RMDN2: variants seen among roughly 807,000 people sequenced by gnomAD.
The protein encoded by RMDN2 is regulator of microtubule dynamics 2.
A neutral mutation model predicts 52.8 loss-of-function variants in RMDN2; 61 were observed. That is an observed-to-expected ratio of 1.16 (90% CI 0.94 to 1.43). The LOEUF is 1.43. RMDN2 is among the 40% of genes most tolerant of loss of function. The pLI is 0.00. For missense variants in RMDN2, 592 were observed against 475.3 expected (o/e 1.25, Z -2.28); for synonymous variants, 180 against 153.1 (o/e 1.18, Z -1.30).
At chr2:37,950,371 A>G in intron 2 of RMDN2, 2 of 1,405,826 alleles carry the variant, frequency 1.4e-6, no homozygotes. Context: ...CTTCGGAGAA[A>G]GGTGAGCTAC....
Position 37,953,470 on chromosome 2 carries a change from A to G in RMDN2, c.453-20570A>G, listed in dbSNP as rs148329722. Among the ~76,000 whole-genome samples the G allele has an allele frequency of 2.4e-3, 365 of 152,182 alleles. 3 individuals are homozygous for G. The highest frequency in any genetic ancestry group is 0.012 in the South Asian group (60 of 4,832). ...TTGTGACCAGCTTATTTCACTTAGCATAGTGTATAATGTCCTCAAGCTTCA... is the reference window on the plus strand; with the variant it reads ...TTGTGACCAGCTTATTTCACTTAGCGTAGTGTATAATGTCCTCAAGCTTCA... On this transcript the variant is annotated intron_variant, in intron 2 of 10. Transcript: ENST00000354545.
intron 10 of RMDN2, chr2:38,012,680 C>T (rs1033545553): frequency 3.4e-5 from 15 of 439,020 alleles, no homozygotes; most frequent in African/African-American, 2.1e-4. Context: ...TTTCTTTTTC[C>T]ATGAGAAAAT....
At chr2:37,937,384 T>C (rs1667396791) in intron 2 of RMDN2, among the ~76,000 whole-genome samples, 1 of 152,230 alleles carries the variant, frequency 6.6e-6, no homozygotes, top group African/African-American at 2.4e-5. Flanking sequence ...TACAGGTTCC[T>C]TTTTGGTTCC....
intron 2 of RMDN2, among the ~76,000 whole-genome samples, chr2:37,948,525 T>C (rs1447561781): frequency 6.6e-6 from 1 of 152,136 alleles, no homozygotes; most frequent in African/African-American, 2.4e-5. Context: ...TGGGAATGAA[T>C]TGAAGGACGA....
chr2:37,997,287 A>T, intron 7 of RMDN2, 129 bp from the exon 8 acceptor site: 1 of 659,520 alleles, frequency 1.5e-6, no homozygotes, highest in Non-Finnish European at 2.7e-6. Context: ...ATATGTTTTC[A>T]TTTGTATATG....
At chr2:37,988,154 C>T (rs778583644) in intron 5 of RMDN2, among the ~76,000 whole-genome samples, 9 of 152,126 alleles carry the variant, frequency 5.9e-5, no homozygotes, top group Non-Finnish European at 1.2e-4. Flanking sequence ...TGCTGAGAAC[C>T]TAAAAGTGCT....
chr2:37,942,530 A>G (rs1185686695), intron 2 of RMDN2, among the ~76,000 whole-genome samples: 2 of 152,320 alleles, frequency 1.3e-5, no homozygotes, highest in East Asian at 3.9e-4. Flanking sequence ...GTACCAAGTT[A>G]CCATCCTATG....
chr2:38,004,918 A>C (rs1323043452), intron 10 of RMDN2, among the ~76,000 whole-genome samples: 1 of 150,706 alleles, frequency 6.6e-6, no homozygotes, highest in Admixed American at 6.6e-5. Context: ...CTGATTGTTC[A>C]GTTCCCACCT....
At chr2:38,035,771 G>A (rs1425642950) in intron 10 of RMDN2, 1 of 152,112 alleles carries the variant, frequency 6.6e-6, no homozygotes, top group African/African-American at 2.4e-5. Flanking sequence ...CAAGATGCAG[G>A]AGCATCTTCA....
In RMDN2 at chr2:38,045,050, T is replaced by C. The variant is rs751778274; in HGVS notation, c.1714-21932T>C. Among the ~76,000 whole-genome samples the C allele has an allele frequency of 3.3e-4, 50 of 152,264 alleles. 1 individual carries two copies. Among genetic ancestry groups the C allele is most frequent in the Non-Finnish European group, 6.6e-4 (45 of 67,998 alleles). On this transcript the variant is annotated intron_variant, in intron 10 of 10. Coordinates refer to the RMDN2 transcript ENST00000234195. ...GTATCAAATAGTAATAACATGATTATTTTTGTCCTTTTTGTCAAGAGTAGG... is the reference window on the plus strand; with the variant it reads ...GTATCAAATAGTAATAACATGATTACTTTTGTCCTTTTTGTCAAGAGTAGG...
At chr2:37,972,915 G>T (rs1424650490) in intron 2 of RMDN2, among the ~76,000 whole-genome samples, 1 of 152,208 alleles carries the variant, frequency 6.6e-6, no homozygotes, top group African/African-American at 2.4e-5. Context: ...TGGGAGATCA[G>T]TTCATACAGT....
chr2:37,929,561 T>G lies in RMDN2; in HGVS notation c.284T>G (p.Phe95Cys). The G allele has an allele frequency of 6.4e-7, 1 of 1,551,878 alleles. No individual in the cohort carries two copies. The highest frequency in any genetic ancestry group is 8.7e-7 in the Non-Finnish European group (1 of 1,147,024). The change falls in exon 2 of 11, where the codon TTT becomes TGT. Residue 95 changes from phenylalanine (F) to cysteine (C), a missense_variant. Transcript: ENST00000354545. ...NMEELKEEIR[F>C]LKEAIPKLEE... ...GAAGAACTCAAAGAGGAAATCAGATTTCTTAAAGAAGCTATTCCAAAGCTG... is the reference window on the plus strand; with the variant it reads ...GAAGAACTCAAAGAGGAAATCAGATGTCTTAAAGAAGCTATTCCAAAGCTG...
intron 5 of RMDN2, among the ~76,000 whole-genome samples, chr2:37,981,945 T>G (rs1673375086): frequency 6.6e-6 from 1 of 152,108 alleles, no homozygotes; most frequent in Non-Finnish European, 1.5e-5. Context: ...TAAATTATTA[T>G]TCTTCCTTTT....
At chr2:37,925,844 T>G (rs1387342483) in intron 1 of RMDN2, among the ~76,000 whole-genome samples, 3 of 151,680 alleles carry the variant, frequency 2.0e-5, no homozygotes, top group East Asian at 3.9e-4. Flanking sequence ...TTGTGTGGGG[T>G]TTTTTTTGCT....
At chr2:38,046,601 A>G (rs912336402) in intron 10 of RMDN2, among the ~76,000 whole-genome samples, 2 of 152,198 alleles carry the variant, frequency 1.3e-5, no homozygotes, top group East Asian at 1.9e-4. Context: ...AAAACTGACA[A>G]CAAAGGAAAA....
intron 2 of RMDN2, among the ~76,000 whole-genome samples, chr2:37,944,837 C>T (rs998008515): frequency 2.0e-5 from 3 of 152,128 alleles, no homozygotes; most frequent in Admixed American, 2.0e-4. Context: ...TTTTTGTTTT[C>T]ACCTGAGAGA....
rs188028324 is a variant in RMDN2 at position 38,005,740 on chromosome 2, C to T, written c.1179+1524C>T. ...CATTTGTGAATTTTGGCTTTTGTTGCCATTGCTTTTGGTGTTTTACACATG... is the reference window on the plus strand; with the variant it reads ...CATTTGTGAATTTTGGCTTTTGTTGTCATTGCTTTTGGTGTTTTACACATG... On this transcript the variant is annotated intron_variant, in intron 10 of 10. Coordinates refer to ENST00000354545, the MANE Select transcript of RMDN2 (RefSeq NM_001170791.3). 5.4e-3 allele frequency among the ~76,000 whole-genome samples: 826 copies of T among 152,248 alleles called. 2 individuals carry two copies. The highest frequency in any genetic ancestry group is 0.019 in the African/African-American group (775 of 41,528).
chr2:37,950,427 C>T, intron 2 of RMDN2: 1 of 1,605,976 alleles, frequency 6.2e-7, no homozygotes, highest in Non-Finnish European at 8.5e-7. Context: ...CTAGAGTCTG[C>T]TGTCATCACA....
At chr2:38,030,615 G>T (rs951006997) in intron 10 of RMDN2, 1 of 152,140 alleles carries the variant, frequency 6.6e-6, no homozygotes, top group Non-Finnish European at 1.5e-5. Context: ...GGCTTTACAT[G>T]GATTTTTATT....
Sources: gnomAD v4.1 joint callset for allele counts (sites outside exome capture counted in the v4.1 genomes callset) on GRCh38, gnomAD v4.1.1 for gene constraint, MANE v1.5 for transcripts, NCBI Gene and HGNC (gene_info 2026-07-23, HGNC 2026-07-21) for gene names.